Variants in BORCS5 observed in about 807,000 individuals in gnomAD.
The protein encoded by BORCS5 is BLOC-1-related complex subunit 5.
A neutral mutation model predicts 22.1 loss-of-function variants in BORCS5; 17 were observed. The ratio of observed to expected loss-of-function variants is 0.77; its 90% CI spans 0.53 to 1.15. BORCS5 has a LOEUF of 1.15. BORCS5 is among the 50% of genes most tolerant of loss of function. BORCS5 has a pLI of 0.00. For synonymous variants in BORCS5, 117 were observed against 99.8 expected (o/e 1.17, Z -1.03); for missense variants, 247 against 253.2 (o/e 0.98, Z 0.17).
intron 2 of BORCS5, among the ~76,000 whole-genome samples, chr12:12,423,632 A>C (rs1316167390): frequency 6.6e-6 from 1 of 151,596 alleles, no homozygotes; most frequent in Non-Finnish European, 1.5e-5. Context: ...AATCTTATTA[A>C]GGTTCCCTTT....
At chr12:12,458,578 C>CTTTTTT (rs57810545) in intron 3 of BORCS5, among the ~76,000 whole-genome samples, 1 of 139,664 alleles carries the variant, frequency 7.2e-6, no homozygotes, top group African/African-American at 2.7e-5. Flanking sequence ...CTTTTCTTTC[C>CTTTTTT]TTTTTTTTTT....
At chr12:12,464,046 T>G (rs1943156519) in intron 3 of BORCS5, among the ~76,000 whole-genome samples, 1 of 151,944 alleles carries the variant, frequency 6.6e-6, no homozygotes, top group South Asian at 2.1e-4. Context: ...CAGTGCTCAT[T>G]GCAAGGCCAC....
intron 3 of BORCS5, among the ~76,000 whole-genome samples, chr12:12,448,154 C>CG (rs1491148708): frequency 6.6e-6 from 1 of 152,178 alleles, no homozygotes; most frequent in African/African-American, 2.4e-5. Context: ...ACCTTCGAAA[C>CG]TCTAAAGCCG....
At chr12:12,413,450 A>C (rs1431423254) in intron 2 of BORCS5, among the ~76,000 whole-genome samples, 8 of 149,528 alleles carry the variant, frequency 5.4e-5, no homozygotes, top group African/African-American at 1.5e-4. Flanking sequence ...CTTAGTACAG[A>C]ACAAAATGAA....
chr12:12,362,636 CTTTTTTTTTTT>C lies in BORCS5; in HGVS notation c.202+1303_202+1313del, dbSNP rs71436712. 7.0e-5 allele frequency among the ~76,000 whole-genome samples: 4 copies of C among 57,552 alleles called. No individual in the cohort carries two copies. In the Admixed American group the frequency reaches 9.1e-4, roughly 13 times the overall value. The allele number at this position is 57,552 out of a possible 152,430, so 37.8% of individuals were successfully genotyped here. On this transcript the variant is annotated intron_variant, in intron 2 of 3. Coordinates refer to ENST00000314565, the MANE Select transcript of BORCS5 (RefSeq NM_058169.6). ...CAACACATTATATCATGTTACTCAT[CTTTTTTTTTTT>C]TTTTTTTTTTTTTTTAGAGTTTTGC... is the stretch of plus-strand genomic sequence containing the variant.
chr12:12,462,034 T>G (rs554309250), intron 3 of BORCS5, among the ~76,000 whole-genome samples: 2 of 152,304 alleles, frequency 1.3e-5, no homozygotes, highest in South Asian at 4.2e-4. Context: ...AAAAGAAAAT[T>G]CATGTTAATG....
chr12:12,389,683 G>T (rs148874820), intron 2 of BORCS5, among the ~76,000 whole-genome samples: 1 of 151,924 alleles, frequency 6.6e-6, no homozygotes, highest in African/African-American at 2.4e-5. Flanking sequence ...TCGCTCTGTC[G>T]CCCAGGCTGG....
chr12:12,416,907 G>C (rs143536147), intron 2 of BORCS5, among the ~76,000 whole-genome samples: 2,632 of 149,778 alleles, frequency 0.018, 85 homozygotes, highest in African/African-American at 0.06. Context: ...TCAGCCTCCA[G>C]AGCAGCTGGG....
At chr12:12,378,433 G>T (rs1032754076) in intron 2 of BORCS5, among the ~76,000 whole-genome samples, 1 of 152,034 alleles carries the variant, frequency 6.6e-6, no homozygotes, top group East Asian at 1.9e-4. Flanking sequence ...ATAGGCATAG[G>T]GCTTAGTATA....
chr12:12,415,934 C>T (rs569548812), intron 2 of BORCS5, among the ~76,000 whole-genome samples: 30 of 152,224 alleles, frequency 2.0e-4, no homozygotes, highest in Non-Finnish European at 3.7e-4. Context: ...GTGGAACTCA[C>T]CTGTGAAACT....
chr12:12,430,766 A>G (rs755875348), intron 2 of BORCS5, among the ~76,000 whole-genome samples: 6 of 152,194 alleles, frequency 3.9e-5, no homozygotes, highest in Non-Finnish European at 5.9e-5. Flanking sequence ...TGTAAATATA[A>G]GTAAATCTGA....
chr12:12,465,073 G>A (rs987212751), intron 3 of BORCS5, among the ~76,000 whole-genome samples: 1 of 152,088 alleles, frequency 6.6e-6, no homozygotes, highest in African/African-American at 2.4e-5. Context: ...CTGGACTCAA[G>A]CCATCCTCCC....
At chr12:12,437,141 C>T (rs1942572055) in intron 3 of BORCS5, among the ~76,000 whole-genome samples, 1 of 152,200 alleles carries the variant, frequency 6.6e-6, no homozygotes, top group Admixed American at 6.5e-5. Flanking sequence ...TCCCACATGT[C>T]ATGGGAGGGA....
In BORCS5 at chr12:12,435,664, A is replaced by C. The variant is rs749534687; in HGVS notation, c.239A>C (p.Lys80Thr). The C allele has an allele frequency of 5.1e-5, 82 of 1,613,912 alleles. No individual in the cohort carries two copies. Among genetic ancestry groups the C allele is most frequent in the Non-Finnish European group, 6.8e-5 (80 of 1,180,004 alleles). The change falls in exon 3 of 4, where the codon AAA becomes ACA. Residue 80 changes from lysine (K) to threonine (T), a missense_variant. By Grantham distance (78) the Lys-to-Thr change is moderately conservative. Transcript: ENST00000314565. ...GGCCAGACTTCCCCAACAAATGCCA[A>C]ATTGGAGAAACTGGACTCTCAGCAG... ...LSGQTSPTNA[K>T]LEKLDSQQVL...
At chr12:12,456,724 A>G (rs551803978) in intron 3 of BORCS5, among the ~76,000 whole-genome samples, 1 of 152,188 alleles carries the variant, frequency 6.6e-6, no homozygotes, top group South Asian at 2.1e-4. Context: ...AACACATGGA[A>G]GGACTTGTAG....
At chr12:12,395,204 A>G (rs1941304459) in intron 2 of BORCS5, among the ~76,000 whole-genome samples, 1 of 151,744 alleles carries the variant, frequency 6.6e-6, no homozygotes, top group African/African-American at 2.4e-5. Context: ...GTGGTGGCAG[A>G]GTGATCACTC....
intron 3 of BORCS5, among the ~76,000 whole-genome samples, chr12:12,452,681 T>C (rs913116658): frequency 1.3e-5 from 2 of 152,240 alleles, no homozygotes; most frequent in Admixed American, 6.5e-5. Context: ...AATGTGGTAA[T>C]TGGTGCCATT....
chr12:12,429,385 A>C (rs967264682), intron 2 of BORCS5, among the ~76,000 whole-genome samples: 2 of 152,164 alleles, frequency 1.3e-5, no homozygotes, highest in Admixed American at 6.5e-5. Flanking sequence ...TGCTTCAGGA[A>C]TGGAAAATGT....
chr12:12,422,981 C>CT lies in BORCS5; in HGVS notation c.203-12635dup, dbSNP rs934703913. Among the ~76,000 whole-genome samples, 808 of 128,350 alleles carry CT rather than the reference C, an allele frequency of 6.3e-3. 10 individuals carry two copies. The highest frequency in any genetic ancestry group is 0.025 in the African/African-American group (714 of 28,572). The allele number at this position is 128,350 out of a possible 152,430, so 84.2% of individuals were successfully genotyped here. ...ACAAAAACCCCTGTAAATACATGGG[C>CT]TTTTTTTTTTTTATTTTTTATTTAT... On this transcript the variant is annotated intron_variant, in intron 2 of 3. Coordinates refer to ENST00000314565, the MANE Select transcript of BORCS5 (RefSeq NM_058169.6).
Sources: gnomAD v4.1 joint callset for allele counts (sites outside exome capture counted in the v4.1 genomes callset) on GRCh38, gnomAD v4.1.1 for gene constraint, MANE v1.5 for transcripts, NCBI Gene and HGNC (gene_info 2026-07-23, HGNC 2026-07-21) for gene names.